The following CTIF variants were observed in gnomAD, a reference collection of about 807,000 sequenced individuals.
The protein encoded by CTIF is CBP80/20-dependent translation initiation factor.
In CTIF, 21 loss-of-function variants were observed where a neutral mutation model predicts 66.0. That is an observed-to-expected ratio of 0.32 (90% CI 0.23 to 0.46). The LOEUF is 0.46. CTIF is among the 20% of genes least tolerant of loss of function. The pLI, the probability that CTIF is intolerant of heterozygous loss-of-function variation, is 1.00. For synonymous variants in CTIF, 345 were observed against 326.4 expected (o/e 1.06, Z -0.62); for missense variants, 739 against 812.7 (o/e 0.91, Z 1.10).
chr18:48,832,739 G>T (rs555234132), intron 10 of CTIF, among the ~76,000 whole-genome samples: 2 of 152,284 alleles, frequency 1.3e-5, no homozygotes, highest in African/African-American at 4.8e-5. Flanking sequence ...TGCTGAATCT[G>T]GTTTCCCAGG....
At chr18:48,777,899 G>GGCTT (rs1910840310) in intron 9 of CTIF, among the ~76,000 whole-genome samples, 1 of 152,174 alleles carries the variant, frequency 6.6e-6, no homozygotes, top group South Asian at 2.1e-4. Context: ...GAGGCAAAGG[G>GGCTT]GCTTCCGTGT....
chr18:48,778,415 C>G (rs943650460), intron 9 of CTIF, among the ~76,000 whole-genome samples: 1 of 152,166 alleles, frequency 6.6e-6, no homozygotes, highest in Non-Finnish European at 1.5e-5. Flanking sequence ...ATTCAATCCC[C>G]CAGAAAATGC....
intron 7 of CTIF, among the ~76,000 whole-genome samples, chr18:48,747,942 ATTATTATT>A (rs748581167): frequency 1.5e-4 from 23 of 150,618 alleles, no homozygotes; most frequent in Admixed American, 6.6e-4. Flanking sequence ...AATAATAATT[ATTATTATT>A]ATTATTTAAC....
chr18:48,771,993 G>A (rs922854133), intron 9 of CTIF, among the ~76,000 whole-genome samples: 3 of 152,212 alleles, frequency 2.0e-5, no homozygotes, highest in African/African-American at 4.8e-5. Context: ...ACTGCTCACC[G>A]CCCTGTCCCT....
chr18:48,807,000 G>A (rs1428592549), intron 9 of CTIF, among the ~76,000 whole-genome samples: 1 of 152,220 alleles, frequency 6.6e-6, no homozygotes, highest in Non-Finnish European at 1.5e-5. Context: ...CTTTGAAATG[G>A]CTGCCACCAA....
chr18:48,724,485 C>T (rs756066663), intron 7 of CTIF, among the ~76,000 whole-genome samples: 5 of 152,186 alleles, frequency 3.3e-5, no homozygotes, highest in Non-Finnish European at 7.3e-5. Context: ...GCCCCTGTAC[C>T]TCAGTCCCTC....
At chr18:48,546,286 C>T (rs367819160) in intron 1 of CTIF, among the ~76,000 whole-genome samples, 84 of 152,082 alleles carry the variant, frequency 5.5e-4, no homozygotes, top group African/African-American at 1.8e-3. Flanking sequence ...TTCTCAGAAC[C>T]GACAATAGTG....
At chr18:48,702,523 A>G (rs2092097491) in intron 6 of CTIF, among the ~76,000 whole-genome samples, 1 of 152,190 alleles carries the variant, frequency 6.6e-6, no homozygotes. Context: ...CAGAATGGGT[A>G]GAGTTTTAGG....
At chr18:48,843,684 G>T (rs4939820) in intron 10 of CTIF, among the ~76,000 whole-genome samples, 135,926 of 152,130 alleles carry the variant, frequency 0.89, 60,977 homozygotes, top group East Asian at 1. Flanking sequence ...GACCGTATAT[G>T]ATCCACATCA....
intron 6 of CTIF, among the ~76,000 whole-genome samples, chr18:48,684,607 G>A (rs1231624845): frequency 6.6e-6 from 1 of 152,058 alleles, no homozygotes; most frequent in Non-Finnish European, 1.5e-5. Flanking sequence ...TTACTTAAAT[G>A]TTTAATCAGA....
At chr18:48,541,256 T>A (rs903393432) in intron 1 of CTIF, among the ~76,000 whole-genome samples, 3 of 152,122 alleles carry the variant, frequency 2.0e-5, no homozygotes, top group African/African-American at 4.8e-5. Context: ...CCCGGCGCTG[T>A]GTCTCTGCGG....
chr18:48,772,929 G>A (rs943108006), intron 9 of CTIF, among the ~76,000 whole-genome samples: 3 of 152,224 alleles, frequency 2.0e-5, no homozygotes, highest in African/African-American at 7.2e-5. Flanking sequence ...CAGGAAGGGT[G>A]TTTTTGATGG....
At chr18:48,671,154 A>T (rs186869526) in intron 6 of CTIF, among the ~76,000 whole-genome samples, 1 of 152,058 alleles carries the variant, frequency 6.6e-6, no homozygotes, top group Non-Finnish European at 1.5e-5. Flanking sequence ...GCTTTTGAAC[A>T]GTGGACTTGC....
intron 10 of CTIF, among the ~76,000 whole-genome samples, chr18:48,853,511 G>A (rs1247204905): frequency 2.6e-5 from 4 of 152,170 alleles, no homozygotes; most frequent in Non-Finnish European, 4.4e-5. Context: ...TGGGTTGACC[G>A]TTGCTCTCCA....
intron 6 of CTIF, among the ~76,000 whole-genome samples, chr18:48,690,452 C>T (rs755039735): frequency 5.3e-5 from 8 of 152,142 alleles, no homozygotes; most frequent in East Asian, 1.9e-4. Flanking sequence ...CTCTCATGCA[C>T]GGTCATCCCA....
intron 7 of CTIF, among the ~76,000 whole-genome samples, chr18:48,736,640 G>A (rs1395386205): frequency 6.6e-6 from 1 of 152,244 alleles, no homozygotes; most frequent in Non-Finnish European, 1.5e-5. Context: ...TAGAATGGGT[G>A]GCTCCAGACT....
At chr18:48,715,221 A>G (rs926136794) in intron 7 of CTIF, among the ~76,000 whole-genome samples, 1 of 152,090 alleles carries the variant, frequency 6.6e-6, no homozygotes, top group South Asian at 2.1e-4. Flanking sequence ...GGCTGCGTCT[A>G]GTGAATTGTG....
At chr18:48,593,526 C>T (rs2089931810) in intron 1 of CTIF, among the ~76,000 whole-genome samples, 2 of 151,736 alleles carry the variant, frequency 1.3e-5, no homozygotes, top group East Asian at 1.9e-4. Flanking sequence ...GGACTACAGG[C>T]GCCTGCCACA....
chr18:48,559,221 GTT>G (rs11322182), intron 1 of CTIF, among the ~76,000 whole-genome samples: 6 of 149,700 alleles, frequency 4.0e-5, no homozygotes, highest in African/African-American at 7.4e-5. Flanking sequence ...GTTTGTTGTT[GTT>G]TTTTTTTTTA....
Sources: gnomAD v4.1 joint callset for allele counts (sites outside exome capture counted in the v4.1 genomes callset) on GRCh38, gnomAD v4.1.1 for gene constraint, MANE v1.5 for transcripts, NCBI Gene and HGNC (gene_info 2026-07-23, HGNC 2026-07-21) for gene names.